Variants in SLC16A7 observed in about 807,000 individuals in gnomAD.
SLC16A7 encodes the protein monocarboxylate transporter 2.
In SLC16A7, 33 loss-of-function variants were observed where a neutral mutation model predicts 34.9. That is an observed-to-expected ratio of 0.94 (90% CI 0.72 to 1.26). SLC16A7 has a LOEUF of 1.26. Ranked by LOEUF, SLC16A7 falls within the 50% of genes most tolerant of loss-of-function variation. The pLI, the probability that SLC16A7 is intolerant of heterozygous loss-of-function variation, is 0.00. For missense variants in SLC16A7, 573 were observed against 578.1 expected, an observed-to-expected ratio of 0.99 and a Z score of 0.09; for synonymous variants, 201 against 206.6, an observed-to-expected ratio of 0.97 and a Z score of 0.23.
chr12:59,706,574 G>A (rs552139490), intron 3 of SLC16A7, among the ~76,000 whole-genome samples: 2 of 152,182 alleles, frequency 1.3e-5, no homozygotes, highest in South Asian at 4.1e-4. Context: ...CACATTCTAT[G>A]AATCTCCTTT....
intron 1 of SLC16A7, among the ~76,000 whole-genome samples, chr12:59,602,370 G>A (rs1325791924): frequency 6.6e-6 from 1 of 150,858 alleles, no homozygotes; most frequent in African/African-American, 2.4e-5. Flanking sequence ...TGGCTTTCAT[G>A]TGCTCTTTAT....
At chr12:59,757,655 T>G (rs1880541195) in intron 3 of SLC16A7, among the ~76,000 whole-genome samples, 1 of 151,702 alleles carries the variant, frequency 6.6e-6, no homozygotes, top group East Asian at 1.9e-4. Flanking sequence ...TGCCTGCCTC[T>G]CCTGCCTCTC....
intron 3 of SLC16A7, among the ~76,000 whole-genome samples, chr12:59,725,339 AAGTT>A (rs1196263691): frequency 6.6e-6 from 1 of 152,042 alleles, no homozygotes; most frequent in Admixed American, 6.6e-5. Context: ...CAGATTAAGA[AAGTT>A]AGGAGTTTTC....
intron 3 of SLC16A7, among the ~76,000 whole-genome samples, chr12:59,714,643 C>A (rs1221574555): frequency 1.3e-5 from 2 of 152,022 alleles, no homozygotes; most frequent in Non-Finnish European, 2.9e-5. Flanking sequence ...AGGCTCACTG[C>A]AACCTCCGCC....
chr12:59,753,700 G>C (rs1167814425), intron 3 of SLC16A7, among the ~76,000 whole-genome samples: 1 of 152,094 alleles, frequency 6.6e-6, no homozygotes, highest in Non-Finnish European at 1.5e-5. Flanking sequence ...AGATCAACGA[G>C]ACAGAAAGTT....
chr12:59,662,664 C>T (rs535318392), intron 2 of SLC16A7, among the ~76,000 whole-genome samples: 10 of 152,118 alleles, frequency 6.6e-5, no homozygotes, highest in African/African-American at 1.7e-4. Flanking sequence ...CTTAGTTGCT[C>T]AACTTTAGTA....
At chr12:59,779,316 A>G (rs748268479) in intron 5 of SLC16A7, 107 bp from the exon 6 acceptor site, 38 of 851,820 alleles carry the variant, frequency 4.5e-5, no homozygotes, top group Non-Finnish European at 5.9e-5. Context: ...CTTATTTGAC[A>G]TTAATTTAAA....
In SLC16A7 at chr12:59,712,684, C is replaced by T. The variant is rs557152791; in HGVS notation, c.217+7666C>T. On this transcript the variant is annotated intron_variant, in intron 3 of 5. Coordinates refer to ENST00000547379, the MANE Select transcript of SLC16A7 (RefSeq NM_001270623.2). ...TTATAGGTAATTAATAATCCATTCACGCAAAACTAGTGTCAGTGTTTAGGG... is the reference window on the plus strand; with the variant it reads ...TTATAGGTAATTAATAATCCATTCATGCAAAACTAGTGTCAGTGTTTAGGG... 6.6e-5 allele frequency among the ~76,000 whole-genome samples: 10 copies of T among 152,228 alleles called. No individual in the cohort carries two copies. The South Asian group carries it at 8.3e-4, about 13-fold the overall frequency.
chr12:59,654,240 AG>A (rs1485113649), intron 1 of SLC16A7, among the ~76,000 whole-genome samples: 1 of 151,172 alleles, frequency 6.6e-6, no homozygotes, highest in Non-Finnish European at 1.5e-5. Flanking sequence ...TTAAGAGAAG[AG>A]TTAATAGTTA....
At chr12:59,684,609 CT>C (rs1871008382) in intron 2 of SLC16A7, among the ~76,000 whole-genome samples, 1 of 152,102 alleles carries the variant, frequency 6.6e-6, no homozygotes, top group African/African-American at 2.4e-5. Flanking sequence ...CACAGAGCTA[CT>C]TTTCCACGCT....
intron 2 of SLC16A7, among the ~76,000 whole-genome samples, chr12:59,692,378 G>T (rs1369645772): frequency 6.6e-6 from 1 of 151,914 alleles, no homozygotes; most frequent in Non-Finnish European, 1.5e-5. Context: ...GACATAGCTG[G>T]CATTCACCCT....
At chr12:59,740,555 G>A (rs941747718) in intron 3 of SLC16A7, among the ~76,000 whole-genome samples, 48 of 151,992 alleles carry the variant, frequency 3.2e-4, no homozygotes, top group African/African-American at 9.9e-4. Flanking sequence ...TTGATGGGAC[G>A]TATCTCAAAA....
chr12:59,681,092 G>GA (rs1330446326), intron 2 of SLC16A7, among the ~76,000 whole-genome samples: 14 of 152,242 alleles, frequency 9.2e-5, no homozygotes, highest in Admixed American at 7.2e-4. Flanking sequence ...GGCACCAATG[G>GA]AAAAAATGAC....
chr12:59,731,866 T>G (rs1876992791), intron 3 of SLC16A7, among the ~76,000 whole-genome samples: 2 of 152,186 alleles, frequency 1.3e-5, no homozygotes, highest in Non-Finnish European at 2.9e-5. Flanking sequence ...ACTCTACCAC[T>G]AGAAGCTGTG....
chr12:59,739,888 G>A (rs1565685646), intron 3 of SLC16A7, among the ~76,000 whole-genome samples: 2 of 152,164 alleles, frequency 1.3e-5, no homozygotes, highest in African/African-American at 2.4e-5. Flanking sequence ...TTTTGATGGG[G>A]TTGTTTGTTT....
At chr12:59,762,040 A>G (rs1382804566) in intron 3 of SLC16A7, among the ~76,000 whole-genome samples, 3 of 152,060 alleles carry the variant, frequency 2.0e-5, no homozygotes, top group African/African-American at 7.2e-5. Context: ...GGCTACCACG[A>G]TATACAATGA....
In SLC16A7 at chr12:59,733,380, G is replaced by A. The variant is rs377744360; in HGVS notation, c.217+28362G>A. ...AGGCATGCCGGCTGCAGCAGGGTGGGCAGCTCCAGGCGCTGGCAAAGGCAC... is the reference window on the plus strand; with the variant it reads ...AGGCATGCCGGCTGCAGCAGGGTGGACAGCTCCAGGCGCTGGCAAAGGCAC... On this transcript the variant is annotated intron_variant, in intron 3 of 5. Transcript: ENST00000547379. Among the ~76,000 whole-genome samples, 190 of 152,236 alleles carry A rather than the reference G, an allele frequency of 1.2e-3. 3 individuals are homozygous for A. The South Asian group carries it at 0.02, about 16-fold the overall frequency.
intron 1 of SLC16A7, among the ~76,000 whole-genome samples, chr12:59,649,404 G>A (rs1441622378): frequency 6.6e-6 from 1 of 152,260 alleles, no homozygotes; most frequent in South Asian, 2.1e-4. Flanking sequence ...GGCATCAGTG[G>A]AATTTAGTGG....
chr12:59,739,757 C>T (rs1298293595), intron 3 of SLC16A7, among the ~76,000 whole-genome samples: 4 of 152,122 alleles, frequency 2.6e-5, no homozygotes, highest in Non-Finnish European at 4.4e-5. Flanking sequence ...GAGATGGTAT[C>T]TCATTGTGGT....
Sources: gnomAD v4.1 joint callset for allele counts (sites outside exome capture counted in the v4.1 genomes callset) on GRCh38, gnomAD v4.1.1 for gene constraint, MANE v1.5 for transcripts, NCBI Gene and HGNC (gene_info 2026-07-23, HGNC 2026-07-21) for gene names.